C12orf54: variants seen among roughly 807,000 people sequenced by gnomAD.
C12orf54 encodes the protein uncharacterized protein C12orf54.
A neutral mutation model predicts 26.4 loss-of-function variants in C12orf54; 24 were observed. The ratio of observed to expected loss-of-function variants is 0.91; its 90% CI spans 0.66 to 1.28. The LOEUF (loss-of-function observed/expected upper bound fraction) is 1.28. Among genes scored for constraint, C12orf54 ranks in the 50% most tolerant of loss-of-function variants. The pLI is 0.00. For missense variants in C12orf54, 154 were observed against 150.9 expected, an observed-to-expected ratio of 1.02 and a Z score of -0.11; for synonymous variants, 54 against 47.0, an observed-to-expected ratio of 1.15 and a Z score of -0.61.
chr12:48,458,419 T>C, the C12orf54 span, among the ~76,000 whole-genome samples: 5 of 152,204 alleles, frequency 3.3e-5, no homozygotes, highest in African/African-American at 9.7e-5. Flanking sequence ...AATAGGCTTC[T>C]CTTTCCCATA....
chr12:48,483,162 G>GA, intron 1 of C12orf54, 78 bp from the exon 2 acceptor site: 1 of 679,314 alleles, frequency 1.5e-6, no homozygotes, highest in East Asian at 2.6e-5. Flanking sequence ...ATTAACTGCT[G>GA]GTAGTTCTCC....
At chr12:48,473,279 A>G in the C12orf54 span, 1 of 1,082,454 alleles carries the variant, frequency 9.2e-7, no homozygotes, top group Non-Finnish European at 1.4e-6. Flanking sequence ...ACGTGAGTGG[A>G]GACGAGGAGG....
chr12:48,473,195 G>T, the C12orf54 span: 1 of 1,359,460 alleles, frequency 7.4e-7, no homozygotes, highest in Non-Finnish European at 1.0e-6. Context: ...AGGATGAGGA[G>T]GAGTATGATG....
chr12:48,489,009 T>G, intron 5 of C12orf54, 53 bp downstream of exon 5: 20 of 1,559,886 alleles, frequency 1.3e-5, no homozygotes, highest in Non-Finnish European at 1.8e-5. Context: ...TGTGCCTTGA[T>G]CCCATTTTTT....
chr12:48,416,837 A>G, the C12orf54 span, among the ~76,000 whole-genome samples: 192 of 151,718 alleles, frequency 1.3e-3, no homozygotes, highest in Non-Finnish European at 2.2e-3. Context: ...ACTCCAGCCT[A>G]GGCAACAGAG....
At chr12:48,487,855 T>A (rs532127325) in intron 4 of C12orf54, 2 of 522,402 alleles carry the variant, frequency 3.8e-6, no homozygotes, top group Admixed American at 3.1e-5. Context: ...CAACAGTCAC[T>A]GGATCCATTC....
upstream of C12orf54, among the ~76,000 whole-genome samples, chr12:48,479,071 A>G (rs1000484927): frequency 6.6e-6 from 1 of 152,228 alleles, no homozygotes; most frequent in African/African-American, 2.4e-5. Context: ...ACGTATGTTT[A>G]TTGCGGCACT....
chr12:48,481,854 T>C (rs1350476100), upstream of C12orf54, among the ~76,000 whole-genome samples: 9 of 152,172 alleles, frequency 5.9e-5, no homozygotes, highest in African/African-American at 2.2e-4. Flanking sequence ...TCTCTGAGGC[T>C]GCTCCTCCAG....
the C12orf54 span, among the ~76,000 whole-genome samples, chr12:48,467,971 C>T: frequency 2.0e-5 from 3 of 152,076 alleles, no homozygotes; most frequent in African/African-American, 7.3e-5. Flanking sequence ...GATGGCTTCC[C>T]ACCCACGGGA....
rs183491751 is a variant in C12orf54 at position 48,494,969 on chromosome 12, G to T, written c.*30G>T. The T allele has an allele frequency of 2.2e-4, 351 of 1,605,720 alleles. No individual in the cohort carries two copies. The highest frequency in any genetic ancestry group is 2.9e-4 in the Non-Finnish European group (340 of 1,173,368). On this transcript the variant is annotated 3_prime_UTR_variant, in exon 8 of 9. Coordinates refer to ENST00000548364, the MANE Select transcript of C12orf54 (RefSeq NM_152319.4). ...ACAATCAAGGAAGAAGGACATCTCT[G>T]CTTCCGCCAGGTGCTTTACCCAAGC...
chr12:48,488,293 T>G, intron 4 of C12orf54: 3 of 565,778 alleles, frequency 5.3e-6, no homozygotes, highest in Non-Finnish European at 9.9e-6. Flanking sequence ...TCTGGAAGAC[T>G]TACAAGAGGG....
At chr12:48,476,315 G>T in the C12orf54 span, among the ~76,000 whole-genome samples, 4 of 152,200 alleles carry the variant, frequency 2.6e-5, no homozygotes, top group Admixed American at 1.3e-4. Flanking sequence ...AGACCATCCA[G>T]GCTAGGAAGA....
At chr12:48,457,729 A>G in the C12orf54 span, among the ~76,000 whole-genome samples, 4 of 152,304 alleles carry the variant, frequency 2.6e-5, no homozygotes, top group South Asian at 4.1e-4. Context: ...GAGCCTCTCC[A>G]GTCTGCTGCC....
the C12orf54 span, among the ~76,000 whole-genome samples, chr12:48,463,227 G>T: frequency 6.6e-6 from 1 of 151,622 alleles, no homozygotes; most frequent in Non-Finnish European, 1.5e-5. Context: ...ATAGCTTAAA[G>T]AAGCTAAGGG....
intron 4 of C12orf54, 106 bp downstream of exon 4, chr12:48,486,832 T>C: frequency 1.7e-6 from 2 of 1,191,710 alleles, no homozygotes; most frequent in South Asian, 2.7e-5. Context: ...GGTTTGTTGA[T>C]TGACGGTGAA....
the C12orf54 span, chr12:48,473,239 A>G: frequency 8.9e-7 from 1 of 1,126,236 alleles, no homozygotes. Context: ...GAGGAGGACG[A>G]GGATGAGGAG....
chr12:48,462,241 GAAAT>G, the C12orf54 span, among the ~76,000 whole-genome samples: 2 of 151,552 alleles, frequency 1.3e-5, no homozygotes, highest in African/African-American at 4.8e-5. Context: ...TTAAATTAAA[GAAAT>G]AATTTCTAGT....
At chr12:48,438,450 A>AT in the C12orf54 span, among the ~76,000 whole-genome samples, 1 of 152,248 alleles carries the variant, frequency 6.6e-6, no homozygotes, top group East Asian at 1.9e-4. Flanking sequence ...TCATCAAGTC[A>AT]ATTCTAAGCC....
the C12orf54 span, among the ~76,000 whole-genome samples, chr12:48,469,436 A>G: frequency 6.6e-6 from 1 of 152,210 alleles, no homozygotes; most frequent in Non-Finnish European, 1.5e-5. Context: ...GCAGACAGTC[A>G]GACTTTATGG....
Sources: gnomAD v4.1 joint callset for allele counts (sites outside exome capture counted in the v4.1 genomes callset) on GRCh38, gnomAD v4.1.1 for gene constraint, MANE v1.5 for transcripts, NCBI Gene and HGNC (gene_info 2026-07-23, HGNC 2026-07-21) for gene names.